Variants in CAPN13 observed in about 807,000 individuals in gnomAD.
CAPN13 encodes calpain-13.
CAPN13 carries 90 observed loss-of-function variants against 98.4 expected under a neutral mutation model. That is an observed-to-expected ratio of 0.92 (90% CI 0.77 to 1.09). The LOEUF (loss-of-function observed/expected upper bound fraction) is 1.09, where lower values mean the gene tolerates loss of function less well. Ranked by LOEUF, CAPN13 falls within the 50% of genes least tolerant of loss-of-function variation. CAPN13 has a pLI of 0.00. For missense variants in CAPN13, 887 were observed against 841.3 expected (o/e 1.05, Z -0.67); for synonymous variants, 330 against 305.5 (o/e 1.08, Z -0.84).
intron 8 of CAPN13, among the ~76,000 whole-genome samples, chr2:30,754,714 C>T (rs1354941226): frequency 6.6e-6 from 1 of 152,102 alleles, no homozygotes; most frequent in Non-Finnish European, 1.5e-5. Flanking sequence ...CTCTCACACC[C>T]CCACATCCAA....
chr2:30,744,406 T>C (rs1572803342), intron 12 of CAPN13, among the ~76,000 whole-genome samples: 1 of 152,290 alleles, frequency 6.6e-6, no homozygotes, highest in East Asian at 1.9e-4. Context: ...ACATTAACAA[T>C]AGCCTCAGCA....
At chr2:30,794,645 G>A (rs1674765909) in intron 1 of CAPN13, among the ~76,000 whole-genome samples, 2 of 151,846 alleles carry the variant, frequency 1.3e-5, no homozygotes, top group African/African-American at 2.4e-5. Context: ...ACAATCCAAT[G>A]TCCATCAAAA....
intron 11 of CAPN13, among the ~76,000 whole-genome samples, chr2:30,746,952 T>G (rs1238720076): frequency 6.6e-6 from 1 of 152,172 alleles, no homozygotes; most frequent in Non-Finnish European, 1.5e-5. Flanking sequence ...TTTTGACAGA[T>G]AGCACAGAAC....
At chr2:30,801,925 G>A (rs138131897) in intron 1 of CAPN13, among the ~76,000 whole-genome samples, 1 of 152,310 alleles carries the variant, frequency 6.6e-6, no homozygotes, top group East Asian at 1.9e-4. Flanking sequence ...TCAAGGCATG[G>A]CTGGAAAACA....
chr2:30,747,698 A>G (rs1365926320), intron 11 of CAPN13, among the ~76,000 whole-genome samples: 1 of 152,218 alleles, frequency 6.6e-6, no homozygotes, highest in Non-Finnish European at 1.5e-5. Context: ...GGAGCCCTGG[A>G]ACTCCATTTG....
chr2:30,765,842 C>T (rs1440751972), intron 5 of CAPN13, among the ~76,000 whole-genome samples: 1 of 152,212 alleles, frequency 6.6e-6, no homozygotes, highest in Non-Finnish European at 1.5e-5. Context: ...CTACAGGAGC[C>T]CCCATGTGAC....
chr2:30,731,314 G>A lies in CAPN13; in HGVS notation c.1983+30C>T, dbSNP rs200036883. ...GTCAGGGGAGGCAGCCTGGGACTGT[G>A]CCTGCCCCGGGGAGGGGAAGGTACC... On this transcript the variant is annotated intron_variant, in intron 21 of 22. Transcript: ENST00000295055. 13 of 1,590,070 alleles carry A rather than the reference G, an allele frequency of 8.2e-6. No individual in the cohort carries two copies. The African/African-American group carries it at 1.2e-4, about 15-fold the overall frequency.
chr2:30,784,348 A>G (rs1453985309), intron 2 of CAPN13, among the ~76,000 whole-genome samples: 1 of 152,200 alleles, frequency 6.6e-6, no homozygotes, highest in Non-Finnish European at 1.5e-5. Flanking sequence ...ATCCCAGGGA[A>G]TAGGCCCTGA....
Position 30,764,122 on chromosome 2 carries a change from A to G in CAPN13, c.699+10T>C. On this transcript the variant is annotated intron_variant, in intron 6 of 22. Coordinates refer to ENST00000295055, the MANE Select transcript of CAPN13 (RefSeq NM_144575.3). ...TTGAACTGGTGCAAAAGGGCTCCCCAGTGACTTACCCCACTTGGAGTGGCA... is the reference window on the plus strand; with the variant it reads ...TTGAACTGGTGCAAAAGGGCTCCCCGGTGACTTACCCCACTTGGAGTGGCA... 1.3e-6 allele frequency: 2 copies of G among 1,557,054 alleles called. No homozygotes were observed. The highest frequency in any genetic ancestry group is 1.7e-6 in the Non-Finnish European group (2 of 1,150,116).
intron 1 of CAPN13, among the ~76,000 whole-genome samples, chr2:30,799,966 C>T (rs1002444664): frequency 4.0e-5 from 6 of 151,724 alleles, no homozygotes; most frequent in East Asian, 1.9e-4. Context: ...CCCAGCTACT[C>T]GGGAGACTGA....
At chr2:30,741,781 G>A (rs1671670976) in intron 15 of CAPN13, 127 bp downstream of exon 15, 4 of 1,530,446 alleles carry the variant, frequency 2.6e-6, no homozygotes, top group Admixed American at 2.0e-5. Flanking sequence ...AGGAAGAGAG[G>A]CAGGTAAAAT....
Position 30,777,594 on chromosome 2 carries a change from T to G in CAPN13, c.244A>C (p.Arg82=). The change falls in exon 3 of 23, where the codon AGA becomes CGA. Residue 82 remains arginine, a synonymous_variant. Transcript: ENST00000295055. ...PPHFILDDIS[R]FDIQQGGAAD... is the part of the protein sequence containing the mutation. Reference sequence around the variant, plus strand: ...GCGCCTCCTTGTTGGATGTCAAATCTGCTTATATCATCCAGGATGAAGTGA... The same window carrying G: ...GCGCCTCCTTGTTGGATGTCAAATCGGCTTATATCATCCAGGATGAAGTGA... 1 of 1,580,818 alleles carries G rather than the reference T, an allele frequency of 6.3e-7. No homozygotes were observed. The highest frequency in any genetic ancestry group is 8.6e-7 in the Non-Finnish European group (1 of 1,161,824).
At chr2:30,789,094 T>G (rs1302448662) in intron 1 of CAPN13, among the ~76,000 whole-genome samples, 1 of 152,214 alleles carries the variant, frequency 6.6e-6, no homozygotes, top group Non-Finnish European at 1.5e-5. Flanking sequence ...ATATTCAGTA[T>G]GTCTCACCAC....
At chr2:30,727,952 A>C (rs963865287) in intron 22 of CAPN13, among the ~76,000 whole-genome samples, 6 of 152,128 alleles carry the variant, frequency 3.9e-5, no homozygotes, top group African/African-American at 1.2e-4. Context: ...GTAAAGCCAC[A>C]ATGAAATATT....
chr2:30,734,449 C>T lies in CAPN13; in HGVS notation c.1798G>A (p.Asp600Asn). Residue 600 changes from aspartate (D) to asparagine (N), a missense_variant and splice_region_variant, in exon 19 of 23, where the codon GAC becomes AAC. Physicochemically the swap from Asp to Asn is conservative, Grantham distance 23. Coordinates refer to ENST00000295055, the MANE Select transcript of CAPN13 (RefSeq NM_144575.3). Reference sequence around the variant, plus strand: ...CACAGCTCCAAAGTCCCCATTGTACCTGTATTCTCTATGGCCTTCCACAAG... The same window carrying T: ...CACAGCTCCAAAGTCCCCATTGTACTTGTATTCTCTATGGCCTTCCACAAG... ...SDLWKAIENTDFLRGIFISRE... is the reference protein window; with the variant it reads ...SDLWKAIENTNFLRGIFISRE... The T allele has an allele frequency of 6.2e-7, 1 of 1,613,418 alleles. No homozygotes were observed. Among genetic ancestry groups the T allele is most frequent in the Non-Finnish European group, 8.5e-7 (1 of 1,179,434 alleles).
intron 19 of CAPN13, 137 bp from the exon 20 acceptor site, chr2:30,732,703 T>C: frequency 8.5e-7 from 1 of 1,170,384 alleles, no homozygotes; most frequent in East Asian, 2.6e-5. Flanking sequence ...CTCCCTTCAG[T>C]GTCTTCTCTT....
At chr2:30,763,823 T>C (rs1488488524) in intron 6 of CAPN13, among the ~76,000 whole-genome samples, 1 of 152,226 alleles carries the variant, frequency 6.6e-6, no homozygotes, top group Non-Finnish European at 1.5e-5. Context: ...TTGGGAGCTG[T>C]AGCAGTAGGT....
intron 22 of CAPN13, 73 bp from the exon 23 acceptor site, chr2:30,723,309 A>G (rs1670754028): frequency 6.6e-6 from 1 of 152,266 alleles, no homozygotes; most frequent in African/African-American, 2.4e-5. Context: ...TTGAGTGACC[A>G]TGGAAGTGGG....
chr2:30,744,648 A>G (rs528428776), intron 12 of CAPN13, among the ~76,000 whole-genome samples: 84 of 152,004 alleles, frequency 5.5e-4, no homozygotes, highest in African/African-American at 1.9e-3. Context: ...CCCTCTGTTG[A>G]CCCCTCATAG....
Sources: gnomAD v4.1 joint callset for allele counts (sites outside exome capture counted in the v4.1 genomes callset) on GRCh38, gnomAD v4.1.1 for gene constraint, MANE v1.5 for transcripts, NCBI Gene and HGNC (gene_info 2026-07-23, HGNC 2026-07-21) for gene names.